MACROD2: variants seen among roughly 807,000 people sequenced by gnomAD.
MACROD2 encodes mono-ADP ribosylhydrolase 2.
In MACROD2, 36 loss-of-function variants were observed where a neutral mutation model predicts 70.4. That is an observed-to-expected ratio of 0.51 (90% CI 0.39 to 0.68). The LOEUF (loss-of-function observed/expected upper bound fraction) is 0.68. Ranked by LOEUF, MACROD2 falls within the 30% of genes least tolerant of loss-of-function variation. The pLI is 0.00. For missense variants in MACROD2, 496 were observed against 538.4 expected (o/e 0.92, Z 0.78); for synonymous variants, 172 against 178.8 (o/e 0.96, Z 0.30).
chr20:14,452,314 CATGACATAG>C (rs2084254108), intron 3 of MACROD2, among the ~76,000 whole-genome samples: 1 of 151,978 alleles, frequency 6.6e-6, no homozygotes, highest in South Asian at 2.1e-4. Flanking sequence ...TTTGGAGATA[CATGACATAG>C]AAACATCTTA....
chr20:15,685,904 T>C (rs2050218598), intron 8 of MACROD2, among the ~76,000 whole-genome samples: 1 of 152,208 alleles, frequency 6.6e-6, no homozygotes, highest in South Asian at 2.1e-4. Flanking sequence ...TAGGCCTTGA[T>C]TTCCTCCTAT....
intron 5 of MACROD2, among the ~76,000 whole-genome samples, chr20:14,695,119 C>T (rs1418183111): frequency 4.0e-5 from 6 of 151,858 alleles, no homozygotes; most frequent in African/African-American, 1.5e-4. Flanking sequence ...ACTTGATGGC[C>T]AAAAAAAGCA....
chr20:15,519,657 G>A (rs923949519), intron 8 of MACROD2, among the ~76,000 whole-genome samples: 2 of 152,168 alleles, frequency 1.3e-5, no homozygotes, highest in African/African-American at 2.4e-5. Flanking sequence ...CTACAGTTAG[G>A]AAATAAAAGA....
chr20:15,034,329 A>T (rs2075297249), intron 5 of MACROD2, among the ~76,000 whole-genome samples: 3 of 152,164 alleles, frequency 2.0e-5, no homozygotes, highest in South Asian at 2.1e-4. Flanking sequence ...GAGGTTACCA[A>T]GGTGTTCCAA....
intron 6 of MACROD2, among the ~76,000 whole-genome samples, chr20:15,405,122 G>GAT: frequency 6.6e-6 from 1 of 152,154 alleles, no homozygotes; most frequent in East Asian, 1.9e-4. Context: ...GTTGTCAGAG[G>GAT]ATAAGGGCAG....
At chr20:14,496,504 A>G (rs1311937002) in intron 4 of MACROD2, among the ~76,000 whole-genome samples, 1 of 152,180 alleles carries the variant, frequency 6.6e-6, no homozygotes, top group Non-Finnish European at 1.5e-5. Context: ...AAATGGTCAC[A>G]TATCATCCTC....
chr20:15,900,591 A>G (rs2065049308), intron 10 of MACROD2, among the ~76,000 whole-genome samples: 2 of 152,128 alleles, frequency 1.3e-5, no homozygotes, highest in Admixed American at 1.3e-4. Context: ...GTATTAAGGC[A>G]TTTTCCATTG....
intron 5 of MACROD2, among the ~76,000 whole-genome samples, chr20:15,106,106 TATAA>T (rs1175671610): frequency 3.3e-5 from 5 of 152,192 alleles, no homozygotes; most frequent in African/African-American, 1.2e-4. Flanking sequence ...TTTGTCAATA[TATAA>T]TATGCTTTTT....
intron 8 of MACROD2, among the ~76,000 whole-genome samples, chr20:15,796,786 G>T (rs112251937): frequency 3.9e-5 from 6 of 152,318 alleles, no homozygotes; most frequent in African/African-American, 1.4e-4. Context: ...ACAGTGAATT[G>T]ACACGATTCT....
intron 10 of MACROD2, among the ~76,000 whole-genome samples, chr20:15,905,952 G>C (rs952275769): frequency 6.6e-6 from 1 of 152,312 alleles, no homozygotes; most frequent in African/African-American, 2.4e-5. Flanking sequence ...CAGAAACCCA[G>C]GGTACTGTAT....
intron 7 of MACROD2, among the ~76,000 whole-genome samples, chr20:15,496,652 T>C (rs1028344392): frequency 6.6e-6 from 1 of 152,220 alleles, no homozygotes; most frequent in African/African-American, 2.4e-5. Context: ...TAAGTACTTA[T>C]TCAACATACC....
At chr20:15,539,939 G>A (rs1021961944) in intron 8 of MACROD2, among the ~76,000 whole-genome samples, 3 of 152,242 alleles carry the variant, frequency 2.0e-5, no homozygotes, top group African/African-American at 7.2e-5. Context: ...AGTGAGCCAA[G>A]ATCGTGCCAC....
intron 3 of MACROD2, among the ~76,000 whole-genome samples, chr20:14,150,178 CT>C (rs1481696706): frequency 2.6e-5 from 4 of 152,050 alleles, no homozygotes; most frequent in Non-Finnish European, 5.9e-5. Flanking sequence ...GATTTTCTCA[CT>C]TGCCCTTCAC....
At chr20:15,335,496 G>C (rs2078038495) in intron 6 of MACROD2, among the ~76,000 whole-genome samples, 1 of 144,078 alleles carries the variant, frequency 6.9e-6, no homozygotes, top group Non-Finnish European at 1.5e-5. Flanking sequence ...CTGTTCCTTT[G>C]AGCTGGGGCA....
chr20:15,525,301 A>T (rs2146536593), intron 8 of MACROD2, among the ~76,000 whole-genome samples: 1 of 152,178 alleles, frequency 6.6e-6, no homozygotes, highest in East Asian at 1.9e-4. Flanking sequence ...AAGGAAAGGG[A>T]TCATGTGCTT....
intron 5 of MACROD2, among the ~76,000 whole-genome samples, chr20:15,176,219 C>T (rs765084146): frequency 6.6e-6 from 1 of 152,300 alleles, no homozygotes; most frequent in East Asian, 1.9e-4. Context: ...TGCAGGTACC[C>T]CTTGGCAGGA....
chr20:14,158,264 T>G (rs1280049999), intron 3 of MACROD2, among the ~76,000 whole-genome samples: 1 of 152,196 alleles, frequency 6.6e-6, no homozygotes, highest in Non-Finnish European at 1.5e-5. Flanking sequence ...TATCCACTTT[T>G]TAATGGGATT....
chr20:14,205,342 A>G (rs2081514251), intron 3 of MACROD2, among the ~76,000 whole-genome samples: 1 of 152,192 alleles, frequency 6.6e-6, no homozygotes, highest in South Asian at 2.1e-4. Context: ...GTGGACATTG[A>G]AGAATGAGTG....
At chr20:14,175,651 A>G (rs1249715155) in intron 3 of MACROD2, among the ~76,000 whole-genome samples, 3 of 152,170 alleles carry the variant, frequency 2.0e-5, no homozygotes, top group Admixed American at 6.5e-5. Context: ...CCTGCCCCCA[A>G]GTGAGTTAGG....
Sources: allele counts gnomAD v4.1 joint callset (sites outside exome capture counted in the v4.1 genomes callset), GRCh38; gene constraint gnomAD v4.1.1; transcripts MANE v1.5; gene names NCBI Gene and HGNC (gene_info 2026-07-23, HGNC 2026-07-21).